Variants in CYLD observed in about 807,000 individuals in gnomAD.
CYLD encodes ubiquitin carboxyl-terminal hydrolase CYLD.
A neutral mutation model predicts 104.5 loss-of-function variants in CYLD; 26 were observed. The ratio of observed to expected loss-of-function variants is 0.25; its 90% CI spans 0.18 to 0.35. The LOEUF (loss-of-function observed/expected upper bound fraction) is 0.35, where lower values mean the gene tolerates loss of function less well. Among genes scored for constraint, CYLD ranks in the 10% least tolerant of loss-of-function variants. The probability of loss-of-function intolerance (pLI) is 1.00; values close to 1 mark genes in which losing one functional copy is unlikely to be tolerated. For synonymous variants in CYLD, 385 were observed against 399.9 expected, an observed-to-expected ratio of 0.96 and a Z score of 0.45; for missense variants, 703 against 1,136.1, an observed-to-expected ratio of 0.62 and a Z score of 5.48.
In CYLD at chr16:50,786,494, G is replaced by A. The variant is rs141739835; in HGVS notation, c.1950-361G>A. On this transcript the variant is annotated intron_variant, in intron 12 of 18. Transcript: ENST00000427738. ...AAATGTGTTGGCCAGGTGTGGTGGC[G>A]CACACCTGTAATCCCAGCACTTTGG... 1.6e-3 allele frequency: 317 copies of A among 196,056 alleles called. 4 individuals are homozygous for A. Among genetic ancestry groups the A allele is most frequent in the African/African-American group, 7.0e-3 (294 of 41,852 alleles). 12.1% of individuals were successfully genotyped at this position (196,056 alleles called of 1,614,324 possible). A position where few individuals can be genotyped will look rare whatever the true frequency, so the allele number is the denominator to read the frequency against.
chr16:50,771,104 C>T (rs1398609152), intron 5 of CYLD, among the ~76,000 whole-genome samples: 2 of 152,172 alleles, frequency 1.3e-5, no homozygotes, highest in African/African-American at 4.8e-5. Context: ...GTGCAACCCT[C>T]ACCACTATCC....
chr16:50,784,321 T>C lies in CYLD; in HGVS notation c.1827-8T>C. ...AGCATGAAGAAAATTATCCTTTTTC[T>C]TTTGCAGCTTATTTGCTTTTAGTTC... On this transcript the variant is annotated splice_region_variant and splice_polypyrimidine_tract_variant and intron_variant, in intron 11 of 18. Coordinates refer to ENST00000427738, the MANE Select transcript of CYLD (RefSeq NM_001378743.1). 1 of 1,613,142 alleles carries C rather than the reference T, an allele frequency of 6.2e-7. No individual in the cohort carries two copies. Among genetic ancestry groups the C allele is most frequent in the Non-Finnish European group, 8.5e-7 (1 of 1,179,472 alleles).
At chr16:50,776,314 A>G (rs746499691) in intron 7 of CYLD, 37 bp downstream of exon 7, 22 of 1,356,218 alleles carry the variant, frequency 1.6e-5, no homozygotes, top group Non-Finnish European at 2.3e-5. Context: ...AGTAATTTGC[A>G]TAATGCCTAA....
intron 5 of CYLD, among the ~76,000 whole-genome samples, chr16:50,768,162 CAAT>C (rs1224538051): frequency 6.6e-6 from 1 of 151,810 alleles, no homozygotes; most frequent in Non-Finnish European, 1.5e-5. Context: ...CATAAACCCT[CAAT>C]AGGAGATAAT....
In CYLD at chr16:50,782,501, T is replaced by C. The variant is rs771955684; in HGVS notation, c.1826+35T>C. On this transcript the variant is annotated intron_variant, in intron 11 of 18. Coordinates refer to ENST00000427738, the MANE Select transcript of CYLD (RefSeq NM_001378743.1). Reference sequence around the variant, plus strand: ...AAAAGAATGCAATAGGTATAGATAGTGCCATGAGGCAGGGACACATACCGG... The same window carrying C: ...AAAAGAATGCAATAGGTATAGATAGCGCCATGAGGCAGGGACACATACCGG... 3.1e-6 allele frequency: 5 copies of C among 1,609,694 alleles called. No individual in the cohort carries two copies. In the African/African-American group the frequency reaches 6.7e-5, roughly 22 times the overall value.
At chr16:50,776,077 CT>C (rs1969648354) in intron 6 of CYLD, 101 bp from the exon 7 acceptor site, 3 of 851,884 alleles carry the variant, frequency 3.5e-6, no homozygotes, top group Non-Finnish European at 5.9e-6. Context: ...AAAATTCTGC[CT>C]TTTTGTGGAA....
chr16:50,784,009 GTCTC>G (rs914130041), intron 11 of CYLD: 53 of 330,998 alleles, frequency 1.6e-4, no homozygotes, highest in African/African-American at 1.1e-3. Flanking sequence ...GATATTTGTA[GTCTC>G]TCTATCAACT....
rs559806079 is a variant in CYLD, at chr16:50,799,261, C to T, written c.*2753C>T. The T allele has an allele frequency of 4.3e-6, 1 of 233,262 alleles. No individual in the cohort carries two copies. The highest frequency in any genetic ancestry group is 1.8e-4 in the South Asian group (1 of 5,522). The allele number at this position is 233,262 out of a possible 1,614,324, so 14.4% of individuals were successfully genotyped here. A position where few individuals can be genotyped will look rare whatever the true frequency, so the allele number is the denominator to read the frequency against. On this transcript the variant is annotated 3_prime_UTR_variant, in exon 19 of 19. Transcript: ENST00000427738. ...TCATGATTACAAGTAGAAAATATGT[C>T]ATGTTCCTCACCTCCAAATAAATAT...
chr16:50,766,240 A>G (rs1011585864), intron 5 of CYLD, among the ~76,000 whole-genome samples: 9 of 152,222 alleles, frequency 5.9e-5, no homozygotes, highest in African/African-American at 2.2e-4. Flanking sequence ...CTTAAGAATT[A>G]TGCTAAATCT....
At chr16:50,788,296 C>A (rs928653360) in intron 14 of CYLD, among the ~76,000 whole-genome samples, 1 of 152,132 alleles carries the variant, frequency 6.6e-6, no homozygotes, top group African/African-American at 2.4e-5. Flanking sequence ...CCCTCCCCAC[C>A]CACCATGTTG....
intron 2 of CYLD, among the ~76,000 whole-genome samples, chr16:50,746,248 GGCTGGTCTCA>G (rs1966183272): frequency 6.6e-6 from 1 of 152,194 alleles, no homozygotes; most frequent in Admixed American, 6.5e-5. Flanking sequence ...GTGTTGCACA[GGCTGGTCTCA>G]AACTCCTGGG....
rs376859556 is a variant in CYLD, at chr16:50,751,942, A to G, written c.807+36A>G. ...TTTGGATTAAATATCTTTGTGATATATATATTAGTTTATATATATATGTAT... is the reference window on the plus strand; with the variant it reads ...TTTGGATTAAATATCTTTGTGATATGTATATTAGTTTATATATATATGTAT... On this transcript the variant is annotated intron_variant, in intron 4 of 18. Transcript: ENST00000427738. The G allele has an allele frequency of 6.1e-6, 7 of 1,150,836 alleles. No homozygotes were observed. The African/African-American group carries it at 9.5e-5, about 16-fold the overall frequency. The allele number at this position is 1,150,836 out of a possible 1,614,324, so 71.3% of individuals were successfully genotyped here. A position where few individuals can be genotyped will look rare whatever the true frequency, so the allele number is the denominator to read the frequency against.
chr16:50,748,372 T>G (rs2150890951), intron 2 of CYLD, among the ~76,000 whole-genome samples: 1 of 152,252 alleles, frequency 6.6e-6, no homozygotes, highest in South Asian at 2.1e-4. Flanking sequence ...ATTGGAAAGA[T>G]TATTATTCTT....
At chr16:50,793,729 ACAATG>A in intron 17 of CYLD, 65 bp downstream of exon 17, 1 of 1,066,092 alleles carries the variant, frequency 9.4e-7, no homozygotes, top group South Asian at 1.3e-5. Context: ...AGTTGAAAAC[ACAATG>A]CTCGTTTTGG....
rs1042450123 is a variant in CYLD, at chr16:50,749,095, G to A, written c.-123-481G>A. Among the ~76,000 whole-genome samples the A allele has an allele frequency of 7.9e-5, 12 of 152,208 alleles. No homozygotes were observed. The East Asian group carries it at 1.4e-3, about 17-fold the overall frequency. Reference sequence around the variant, plus strand: ...TATGCGTCTATAATACCAGTTACTCGGGAGGCTGAGGTAGGAGGATCACTT... The same window carrying A: ...TATGCGTCTATAATACCAGTTACTCAGGAGGCTGAGGTAGGAGGATCACTT... On this transcript the variant is annotated intron_variant, in intron 2 of 18. Coordinates refer to ENST00000427738, the MANE Select transcript of CYLD (RefSeq NM_001378743.1).
chr16:50,781,525 C>A, intron 10 of CYLD, 114 bp downstream of exon 10: 1 of 1,305,122 alleles, frequency 7.7e-7, no homozygotes, highest in Non-Finnish European at 1.1e-6. Context: ...TGCCAACGCT[C>A]ATTAAGCTTT....
intron 5 of CYLD, among the ~76,000 whole-genome samples, chr16:50,770,656 G>A (rs1489676100): frequency 6.6e-6 from 1 of 151,750 alleles, no homozygotes; most frequent in African/African-American, 2.4e-5. Context: ...TCACCATGTT[G>A]GCCAGGCTGG....
intron 9 of CYLD, among the ~76,000 whole-genome samples, chr16:50,780,396 TTTAAAG>T (rs1188522751): frequency 6.6e-6 from 1 of 152,226 alleles, no homozygotes; most frequent in Non-Finnish European, 1.5e-5. Flanking sequence ...TATCACTGGC[TTTAAAG>T]TTAATCACCA....
In CYLD at chr16:50,776,189, G is replaced by A. The variant is rs745643144; in HGVS notation, c.933G>A (p.Thr311=). The A allele has an allele frequency of 5.6e-6, 9 of 1,611,196 alleles. No individual in the cohort carries two copies. The highest frequency in any genetic ancestry group is 4.5e-5 in the East Asian group (2 of 44,842). ...DIIPALSESV[T]QERRPPKLAF... Reference sequence around the variant, plus strand: ...TGCTTACTGTTTCAGAGAGTGTGACGCAGGAAAGGAGGCCTCCCAAACTTG... The same window carrying A: ...TGCTTACTGTTTCAGAGAGTGTGACACAGGAAAGGAGGCCTCCCAAACTTG... The change falls in exon 7 of 19, where the codon ACG becomes ACA. Residue 311 remains threonine, a synonymous_variant. Transcript: ENST00000427738.
Sources: gnomAD v4.1 joint callset for allele counts (sites outside exome capture counted in the v4.1 genomes callset) on GRCh38, gnomAD v4.1.1 for gene constraint, MANE v1.5 for transcripts, NCBI Gene and HGNC (gene_info 2026-07-23, HGNC 2026-07-21) for gene names.